Variants in TMEFF2 observed in about 807,000 individuals in gnomAD.
TMEFF2 encodes transmembrane protein with EGF like and two follistatin like domains 2, also known as tomoregulin-2.
A neutral mutation model predicts 53.8 loss-of-function variants in TMEFF2; 28 were observed. The ratio of observed to expected loss-of-function variants is 0.52; its 90% CI spans 0.39 to 0.71. TMEFF2 has a LOEUF of 0.71. TMEFF2 is among the 30% of genes least tolerant of loss of function. TMEFF2 has a pLI of 0.00. For missense variants in TMEFF2, 353 were observed against 455.2 expected (o/e 0.78, Z 2.04); for synonymous variants, 162 against 166.3 (o/e 0.97, Z 0.20).
intron 3 of TMEFF2, among the ~76,000 whole-genome samples, chr2:192,179,926 G>T (rs532523203): frequency 6.6e-4 from 100 of 151,322 alleles, no homozygotes; most frequent in African/African-American, 2.4e-3. Flanking sequence ...AAACATTATT[G>T]CCCCGTTTGG....
chr2:192,118,185 T>C (rs752809899), intron 4 of TMEFF2, among the ~76,000 whole-genome samples: 21 of 152,296 alleles, frequency 1.4e-4, no homozygotes, highest in Middle Eastern at 6.8e-3. Context: ...AGTGATGTTC[T>C]AATCAAAATG....
intron 4 of TMEFF2, among the ~76,000 whole-genome samples, chr2:192,069,264 CT>C (rs1291987770): frequency 6.6e-6 from 1 of 151,752 alleles, no homozygotes; most frequent in Non-Finnish European, 1.5e-5. Flanking sequence ...GCTAGAACCC[CT>C]GAAGACCTCT....
intron 5 of TMEFF2, among the ~76,000 whole-genome samples, chr2:192,055,346 T>C (rs1687876295): frequency 6.6e-6 from 1 of 152,240 alleles, no homozygotes. Context: ...TCTGAAATTC[T>C]GATTCATTAA....
chr2:192,078,037 A>C (rs1460420021), intron 4 of TMEFF2, among the ~76,000 whole-genome samples: 1 of 152,084 alleles, frequency 6.6e-6, no homozygotes, highest in Non-Finnish European at 1.5e-5. Context: ...AAAAGCAAAA[A>C]TTTTCAAATC....
intron 4 of TMEFF2, among the ~76,000 whole-genome samples, chr2:192,093,354 T>C (rs7585300): frequency 0.29 from 44,148 of 152,034 alleles, 7,075 homozygotes; most frequent in Middle Eastern, 0.39. Context: ...TTTTCAAGAA[T>C]ACATCTCAAA....
intron 5 of TMEFF2, chr2:192,032,047 G>A (rs1057111667): frequency 2.0e-5 from 3 of 152,152 alleles, no homozygotes; most frequent in African/African-American, 7.2e-5. Context: ...GAAACACAAA[G>A]CACTTTTAGC....
At chr2:192,175,847 CTT>C (rs1345435077) in intron 4 of TMEFF2, among the ~76,000 whole-genome samples, 1 of 151,104 alleles carries the variant, frequency 6.6e-6, no homozygotes, top group Non-Finnish European at 1.5e-5. Context: ...TTTCACCAGA[CTT>C]ATTTATTTTT....
intron 4 of TMEFF2, among the ~76,000 whole-genome samples, chr2:192,119,087 A>G (rs1689484220): frequency 6.6e-6 from 1 of 152,174 alleles, no homozygotes; most frequent in Non-Finnish European, 1.5e-5. Flanking sequence ...TTCTGTAAGA[A>G]GCCAATGAAT....
intron 2 of TMEFF2, among the ~76,000 whole-genome samples, chr2:192,188,547 AAAAT>A (rs2106046431): frequency 6.6e-6 from 1 of 152,368 alleles, no homozygotes; most frequent in East Asian, 1.9e-4. Flanking sequence ...ATTCATCAAC[AAAAT>A]AAATATTCAT....
At chr2:192,039,547 GTAAAA>G (rs1687422466) in intron 5 of TMEFF2, among the ~76,000 whole-genome samples, 1 of 152,092 alleles carries the variant, frequency 6.6e-6, no homozygotes, top group Non-Finnish European at 1.5e-5. Flanking sequence ...ATTCTTAGTA[GTAAAA>G]TAAAATATTT....
In TMEFF2 at chr2:192,051,163, A is replaced by G. The variant is rs111463594; in HGVS notation, c.536+6516T>C. Among the ~76,000 whole-genome samples, 391 of 152,202 alleles carry G rather than the reference A, an allele frequency of 2.6e-3. 1 individual carries two copies. Among genetic ancestry groups the G allele is most frequent in the African/African-American group, 8.9e-3 (371 of 41,548 alleles). ...ATCTTGAAACTAAAATGTTTTCTCA[A>G]AAAGCCATGCACACATTCAAAAAAA... On this transcript the variant is annotated intron_variant, in intron 5 of 9. Coordinates refer to ENST00000272771, the MANE Select transcript of TMEFF2 (RefSeq NM_016192.4).
At chr2:191,983,615 C>T (rs887954618) in intron 7 of TMEFF2, among the ~76,000 whole-genome samples, 5 of 152,128 alleles carry the variant, frequency 3.3e-5, no homozygotes, top group African/African-American at 1.2e-4. Context: ...TAAGAGGGGT[C>T]TACCCCAGGG....
intron 4 of TMEFF2, among the ~76,000 whole-genome samples, chr2:192,073,694 T>C (rs553312006): frequency 6.6e-6 from 1 of 151,972 alleles, no homozygotes; most frequent in Non-Finnish European, 1.5e-5. Context: ...TTGGTTTGTC[T>C]CTGAGGAAAA....
At chr2:191,951,315 G>C (rs1691873311) in intron 9 of TMEFF2, among the ~76,000 whole-genome samples, 1 of 115,816 alleles carries the variant, frequency 8.6e-6, no homozygotes, top group Non-Finnish European at 2.0e-5. Flanking sequence ...CTTCTCAACA[G>C]GGCAACTCTT....
intron 4 of TMEFF2, among the ~76,000 whole-genome samples, chr2:192,089,636 C>T (rs1191660505): frequency 1.3e-5 from 2 of 152,142 alleles, no homozygotes; most frequent in Non-Finnish European, 2.9e-5. Flanking sequence ...CCATCCTAGA[C>T]TGAACCTGCA....
At chr2:191,977,962 G>A (rs1255135958) in intron 7 of TMEFF2, among the ~76,000 whole-genome samples, 1 of 152,144 alleles carries the variant, frequency 6.6e-6, no homozygotes, top group Non-Finnish European at 1.5e-5. Flanking sequence ...ATTAATAACA[G>A]AAGATTGTGA....
intron 7 of TMEFF2, among the ~76,000 whole-genome samples, chr2:191,997,355 T>A (rs559529308): frequency 2.6e-5 from 4 of 151,986 alleles, no homozygotes; most frequent in South Asian, 2.1e-4. Context: ...ACTAATTTTT[T>A]AAATTTCATA....
At chr2:192,190,750 T>C (rs534100778) in intron 2 of TMEFF2, among the ~76,000 whole-genome samples, 1 of 152,314 alleles carries the variant, frequency 6.6e-6, no homozygotes, top group African/African-American at 2.4e-5. Context: ...TTTATTTAAA[T>C]GTGAATTCTC....
Position 191,950,082 on chromosome 2 carries a change from G to GTGAT in TMEFF2, c.*225_*228dup, listed in dbSNP as rs1427160857. 4.8e-5 allele frequency: 60 copies of GTGAT among 1,261,108 alleles called. No homozygotes were observed. In the African/African-American group the frequency reaches 8.1e-4, roughly 17 times the overall value. The allele number at this position is 1,261,108 out of a possible 1,614,324, so 78.1% of individuals were successfully genotyped here. A position where few individuals can be genotyped will look rare whatever the true frequency, so the allele number is the denominator to read the frequency against. ...CATGGGAAAGAAAAAACTATATTGT[G>GTGAT]TGATATAAATAGTTTATTTACATTA... On this transcript the variant is annotated 3_prime_UTR_variant, in exon 10 of 10. Transcript: ENST00000272771.
Sources: gnomAD v4.1 joint callset for allele counts (sites outside exome capture counted in the v4.1 genomes callset) on GRCh38, gnomAD v4.1.1 for gene constraint, MANE v1.5 for transcripts, NCBI Gene and HGNC (gene_info 2026-07-23, HGNC 2026-07-21) for gene names.